The following RIPOR2 variants were observed in gnomAD, a reference collection of about 807,000 sequenced individuals.
RIPOR2 encodes the protein RHO family interacting cell polarization regulator 2, also known as rho family-interacting cell polarization regulator 2.
RIPOR2 carries 39 observed loss-of-function variants against 114.5 expected under a neutral mutation model. The observed-to-expected ratio is 0.34, with a 90% confidence interval of 0.26 to 0.44. The LOEUF is 0.44. Ranked by LOEUF, RIPOR2 falls within the 20% of genes least tolerant of loss-of-function variation. The pLI, the probability that RIPOR2 is intolerant of heterozygous loss-of-function variation, is 1.00. For synonymous variants in RIPOR2, 445 were observed against 484.4 expected (o/e 0.92, Z 1.07); for missense variants, 1,007 against 1,255.1 (o/e 0.80, Z 2.99).
At chr6:25,007,994 T>A (rs569684055) in intron 1 of RIPOR2, among the ~76,000 whole-genome samples, 1 of 152,286 alleles carries the variant, frequency 6.6e-6, no homozygotes, top group South Asian at 2.1e-4. Context: ...AATGAAAATG[T>A]CAAATGGAAC....
At chr6:24,865,222 G>T in intron 7 of RIPOR2, 79 bp downstream of exon 7, 2 of 1,264,594 alleles carry the variant, frequency 1.6e-6, no homozygotes, top group Non-Finnish European at 2.2e-6. Context: ...GTTGCTGTTT[G>T]CCTTGTTCTT....
intron 7 of RIPOR2, among the ~76,000 whole-genome samples, chr6:24,864,972 T>C (rs1764435416): frequency 6.6e-6 from 1 of 152,136 alleles, no homozygotes; most frequent in Non-Finnish European, 1.5e-5. Flanking sequence ...TTTAGAGATG[T>C]GGCCTCGCTC....
At chr6:24,828,452 C>T (rs549697399) in intron 17 of RIPOR2, among the ~76,000 whole-genome samples, 157 bp from the exon 18 acceptor site, 2 of 152,272 alleles carry the variant, frequency 1.3e-5, no homozygotes, top group African/African-American at 4.8e-5. Context: ...AGTCCTCCTG[C>T]CTCAGTTTCC....
At chr6:24,871,514 G>A (rs1190970290) in intron 4 of RIPOR2, among the ~76,000 whole-genome samples, 1 of 152,102 alleles carries the variant, frequency 6.6e-6, no homozygotes, top group African/African-American at 2.4e-5. Context: ...ACCACGCCCA[G>A]CTAATTTTTG....
intron 1 of RIPOR2, among the ~76,000 whole-genome samples, chr6:24,980,729 C>T (rs540699010): frequency 6.6e-6 from 1 of 152,296 alleles, no homozygotes; most frequent in East Asian, 1.9e-4. Flanking sequence ...TCACAGGGGG[C>T]TTTTGGGCAT....
intron 1 of RIPOR2, among the ~76,000 whole-genome samples, chr6:24,934,824 G>A (rs116386639): frequency 5.9e-5 from 9 of 152,070 alleles, no homozygotes; most frequent in African/African-American, 1.7e-4. Context: ...CTTTAAAATC[G>A]CAACCTTTAC....
chr6:25,036,262 T>A (rs149735931), intron 1 of RIPOR2, among the ~76,000 whole-genome samples: 1 of 152,252 alleles, frequency 6.6e-6, no homozygotes, highest in Non-Finnish European at 1.5e-5. Context: ...ATATCAGCTT[T>A]GTCACTGTTG....
chr6:24,933,948 A>C (rs1157472303), intron 1 of RIPOR2, among the ~76,000 whole-genome samples: 5 of 152,198 alleles, frequency 3.3e-5, no homozygotes, highest in Non-Finnish European at 2.9e-5. Flanking sequence ...GAGAGAGAAC[A>C]CACAGGTTCA....
chr6:24,960,891 GC>G (rs1773271588), intron 1 of RIPOR2, among the ~76,000 whole-genome samples: 1 of 152,036 alleles, frequency 6.6e-6, no homozygotes, highest in Non-Finnish European at 1.5e-5. Flanking sequence ...TTAACCTCCA[GC>G]CCCCAAGACT....
rs897580008 is a variant in RIPOR2, at chr6:24,804,806, A to G, written c.*1567T>C. 1.3e-5 allele frequency: 2 copies of G among 152,226 alleles called. No individual in the cohort carries two copies. Among genetic ancestry groups the G allele is most frequent in the Non-Finnish European group, 2.9e-5 (2 of 68,042 alleles). The allele number at this position is 152,226 out of a possible 1,614,324, so 9.4% of individuals were successfully genotyped here. On this transcript the variant is annotated 3_prime_UTR_variant, in exon 22 of 22. Transcript: ENST00000643898. ...ATATTCCACAGTTTAAATTACACTC[A>G]CATATATTGTTTTGATACCTTGGCA...
At chr6:24,915,006 T>C (rs944497850) in intron 1 of RIPOR2, among the ~76,000 whole-genome samples, 3 of 152,220 alleles carry the variant, frequency 2.0e-5, no homozygotes, top group Admixed American at 6.5e-5. Context: ...CATAGTTCTG[T>C]AACTACCTGT....
intron 1 of RIPOR2, among the ~76,000 whole-genome samples, chr6:24,906,452 T>C (rs1052667461): frequency 1.3e-5 from 2 of 152,152 alleles, no homozygotes; most frequent in African/African-American, 4.8e-5. Context: ...TGACCTCTCA[T>C]AGTCCTTTTC....
rs1416615015 is a variant in RIPOR2, at chr6:24,825,366, G to T, written c.2728C>A (p.Leu910Ile). ...TGGGCCAGGAGGTTGCTGGGAGCAA[G>T]GTCACTCATGGTTTGTAGCAGTTTT... ...DEKLLQTMSD[L>I]APSNLLAQQE... The change falls in exon 19 of 22, where the codon CTT becomes ATT. Residue 910 changes from leucine (L) to isoleucine (I), a missense_variant. Transcript: ENST00000643898. 1 of 1,551,974 alleles carries T rather than the reference G, an allele frequency of 6.4e-7. No homozygotes were observed. Among genetic ancestry groups the T allele is most frequent in the Non-Finnish European group, 8.7e-7 (1 of 1,147,068 alleles).
At chr6:24,956,683 G>A (rs575907623) in intron 1 of RIPOR2, among the ~76,000 whole-genome samples, 91 of 48,358 alleles carry the variant, frequency 1.9e-3, no homozygotes, top group Non-Finnish European at 8.6e-3. Flanking sequence ...GACCTAGGCA[G>A]TCTGCCGCAG....
chr6:25,017,007 TG>T (rs1444065008), intron 1 of RIPOR2, among the ~76,000 whole-genome samples: 1 of 152,198 alleles, frequency 6.6e-6, no homozygotes, highest in African/African-American at 2.4e-5. Context: ...TGCAGCCAGC[TG>T]GCAGACACTT....
intron 15 of RIPOR2, 27 bp downstream of exon 15, chr6:24,835,676 C>A: frequency 6.5e-7 from 1 of 1,547,186 alleles, no homozygotes; most frequent in South Asian, 1.2e-5. Flanking sequence ...CCTGGCATCT[C>A]AAACACAAAT....
intron 8 of RIPOR2, among the ~76,000 whole-genome samples, chr6:24,857,105 C>G (rs1193224294): frequency 6.6e-6 from 1 of 152,064 alleles, no homozygotes; most frequent in Non-Finnish European, 1.5e-5. Context: ...GCTTTTGTGC[C>G]GTGCTTCTTA....
At chr6:24,952,575 AC>A (rs1203168628) in intron 1 of RIPOR2, among the ~76,000 whole-genome samples, 13 of 152,206 alleles carry the variant, frequency 8.5e-5, no homozygotes, top group African/African-American at 3.1e-4. Context: ...GATGTAAATA[AC>A]CTCCAGTGCA....
At chr6:24,980,324 T>C (rs898699156) in intron 1 of RIPOR2, among the ~76,000 whole-genome samples, 15 of 152,238 alleles carry the variant, frequency 9.9e-5, no homozygotes, top group African/African-American at 3.1e-4. Flanking sequence ...GCGCCTGTTA[T>C]AGTGGGAAAG....
Sources: gnomAD v4.1 joint callset for allele counts (sites outside exome capture counted in the v4.1 genomes callset) on GRCh38, gnomAD v4.1.1 for gene constraint, MANE v1.5 for transcripts, NCBI Gene and HGNC (gene_info 2026-07-23, HGNC 2026-07-21) for gene names.